The following ADAM7 variants were observed in gnomAD, a reference collection of about 807,000 sequenced individuals.
ADAM7 encodes the protein ADAM metallopeptidase domain 7.
In ADAM7, 97 loss-of-function variants were observed where a neutral mutation model predicts 102.9. That is an observed-to-expected ratio of 0.94 (90% CI 0.80 to 1.12). ADAM7 has a LOEUF of 1.12. Among genes scored for constraint, ADAM7 ranks in the 50% most tolerant of loss-of-function variants. The pLI is 0.00. For synonymous variants in ADAM7, 334 were observed against 304.4 expected (o/e 1.10, Z -1.01); for missense variants, 991 against 908.7 (o/e 1.09, Z -1.16).
intron 2 of ADAM7, among the ~76,000 whole-genome samples, chr8:24,444,871 G>A (rs1049329288): frequency 3.3e-5 from 5 of 152,016 alleles, no homozygotes; most frequent in African/African-American, 7.2e-5. Context: ...GGGCTTATTC[G>A]TTGTGACAAA....
intron 6 of ADAM7, among the ~76,000 whole-genome samples, chr8:24,468,092 T>A (rs572278903): frequency 7.5e-4 from 114 of 151,458 alleles, no homozygotes; most frequent in African/African-American, 2.2e-3. Context: ...AAAATAAATT[T>A]AAAAAAAAGA....
At chr8:24,475,419 A>G (rs1485494907) in intron 7 of ADAM7, among the ~76,000 whole-genome samples, 1 of 152,206 alleles carries the variant, frequency 6.6e-6, no homozygotes, top group Non-Finnish European at 1.5e-5. Context: ...GGTAATAGAA[A>G]CCAAGAAGAA....
chr8:24,488,178 A>C (rs1820209097), intron 11 of ADAM7, among the ~76,000 whole-genome samples: 3 of 152,174 alleles, frequency 2.0e-5, no homozygotes, highest in Admixed American at 2.0e-4. Flanking sequence ...TAGTCCCACA[A>C]GGTCAGAGGG....
intron 16 of ADAM7, among the ~76,000 whole-genome samples, chr8:24,498,316 A>G (rs1215035098): frequency 6.6e-6 from 1 of 151,734 alleles, no homozygotes; most frequent in Non-Finnish European, 1.5e-5. Context: ...AAGTAAAAAC[A>G]TGATAAATTT....
At chr8:24,476,526 G>T (rs375036002) in intron 8 of ADAM7, 22 bp downstream of exon 8, 20 of 1,575,510 alleles carry the variant, frequency 1.3e-5, no homozygotes, top group Non-Finnish European at 1.7e-5. Context: ...TACAGTTTTT[G>T]AATCAAGCCA....
chr8:24,465,063 G>C (rs545018804), intron 4 of ADAM7, among the ~76,000 whole-genome samples: 6 of 152,332 alleles, frequency 3.9e-5, no homozygotes, highest in African/African-American at 1.4e-4. Context: ...GAGATGACAG[G>C]CGTAATCTAC....
At chr8:24,501,371 G>A in intron 19 of ADAM7, 106 bp from the exon 20 acceptor site, 2 of 768,260 alleles carry the variant, frequency 2.6e-6, no homozygotes, top group Middle Eastern at 2.7e-4. Flanking sequence ...GTAATGAAAT[G>A]GAAATTTTTG....
chr8:24,487,826 C>T (rs182059169), intron 11 of ADAM7, among the ~76,000 whole-genome samples: 70 of 152,062 alleles, frequency 4.6e-4, no homozygotes, highest in East Asian at 1.4e-3. Flanking sequence ...CTAGTGATAC[C>T]GTGAGAGAAA....
chr8:24,443,290 T>C (rs1342399488), intron 2 of ADAM7, among the ~76,000 whole-genome samples: 1 of 152,130 alleles, frequency 6.6e-6, no homozygotes, highest in Admixed American at 6.5e-5. Flanking sequence ...ATTTCTTCTG[T>C]CCACCATTAG....
intron 9 of ADAM7, among the ~76,000 whole-genome samples, chr8:24,484,535 T>C (rs1285058699): frequency 5.9e-5 from 9 of 152,158 alleles, no homozygotes; most frequent in Admixed American, 5.9e-4. Flanking sequence ...CCTACCTGAG[T>C]TTCTATGGTT....
At chr8:24,453,012 A>G (rs1375210559) in intron 3 of ADAM7, among the ~76,000 whole-genome samples, 1 of 151,420 alleles carries the variant, frequency 6.6e-6, no homozygotes, top group East Asian at 1.9e-4. Context: ...GTTTCTGCCG[A>G]GAGATCTGCT....
Position 24,447,230 on chromosome 8 carries a change from A to G in ADAM7, c.201A>G (p.Arg67=), listed in dbSNP as rs1818594355. Reference sequence around the variant, plus strand: ...TGTTGTATGAAATAAAACTAAATAGAAAAACCTTAGTCCTTCATCTTCTAA... The same window carrying G: ...TGTTGTATGAAATAAAACTAAATAGGAAAACCTTAGTCCTTCATCTTCTAA... The part of the protein sequence containing the change: ...EELLYEIKLN[R]KTLVLHLLRS... Residue 67 remains arginine (R), a synonymous_variant, in exon 3 of 22, where the codon AGA becomes AGG. Coordinates refer to ENST00000175238, the MANE Select transcript of ADAM7 (RefSeq NM_003817.4). 1 of 1,542,982 alleles carries G rather than the reference A, an allele frequency of 6.5e-7. No homozygotes were observed. The highest frequency in any genetic ancestry group is 8.9e-7 in the Non-Finnish European group (1 of 1,129,518).
chr8:24,455,937 A>C (rs1359538431), intron 3 of ADAM7, among the ~76,000 whole-genome samples: 1 of 152,174 alleles, frequency 6.6e-6, no homozygotes, highest in African/African-American at 2.4e-5. Context: ...GCTAATTAAC[A>C]TATCTATCAC....
At chr8:24,451,653 G>C (rs1818795121) in intron 3 of ADAM7, among the ~76,000 whole-genome samples, 1 of 151,392 alleles carries the variant, frequency 6.6e-6, no homozygotes, top group South Asian at 2.1e-4. Flanking sequence ...ATTTCCTTCA[G>C]TTCTGCTCTG....
In ADAM7 at chr8:24,488,564, A is replaced by G. The variant is rs1492399; in HGVS notation, c.1092-595A>G. Among the ~76,000 whole-genome samples the G allele has an allele frequency of 3.8e-3, 576 of 152,170 alleles. 2 individuals carry two copies. Among genetic ancestry groups the G allele is most frequent in the African/African-American group, 0.013 (545 of 41,518 alleles). ...TACAGAGTCCTAGTATCTCAGTCTA[A>G]TGTGATCAAGACTCTAAAGACCTAC... On this transcript the variant is annotated intron_variant, in intron 11 of 21. Coordinates refer to ENST00000175238, the MANE Select transcript of ADAM7 (RefSeq NM_003817.4).
chr8:24,485,858 A>T (rs118126913), intron 10 of ADAM7, among the ~76,000 whole-genome samples: 2,692 of 152,174 alleles, frequency 0.018, 47 homozygotes, highest in Middle Eastern at 0.031. Context: ...CTTCTAGTAA[A>T]TGTTGTCCAA....
chr8:24,445,889 C>A (rs1351681896), intron 2 of ADAM7, among the ~76,000 whole-genome samples: 2 of 152,156 alleles, frequency 1.3e-5, no homozygotes, highest in African/African-American at 4.8e-5. Context: ...AGAGCCTTGG[C>A]ATGTGCTGTT....
intron 8 of ADAM7, among the ~76,000 whole-genome samples, chr8:24,481,810 A>T (rs918971792): frequency 6.6e-6 from 1 of 152,210 alleles, no homozygotes; most frequent in African/African-American, 2.4e-5. Flanking sequence ...CACTGTTAGT[A>T]AATTTATGCT....
intron 6 of ADAM7, 196 bp downstream of exon 6, chr8:24,467,184 G>A: frequency 1.7e-6 from 1 of 603,422 alleles, no homozygotes; most frequent in Non-Finnish European, 2.9e-6. Flanking sequence ...TGTTTAATCA[G>A]TTTCAAGAAA....
Sources: gnomAD v4.1 joint callset for allele counts (sites outside exome capture counted in the v4.1 genomes callset) on GRCh38, gnomAD v4.1.1 for gene constraint, MANE v1.5 for transcripts, NCBI Gene and HGNC (gene_info 2026-07-23, HGNC 2026-07-21) for gene names.